REDIC1: variants seen among roughly 807,000 people sequenced by gnomAD.
REDIC1 encodes the protein HEI10 Interacting Protein 1.
At chr12:39,777,784 G>T in the REDIC1 span, among the ~76,000 whole-genome samples, 1 of 152,214 alleles carries the variant, frequency 6.6e-6, no homozygotes, top group Non-Finnish European at 1.5e-5. Flanking sequence ...GGCTGGGGCA[G>T]TCGGATGAGA....
the REDIC1 span, chr12:39,626,234 T>G: frequency 7.7e-7 from 1 of 1,302,952 alleles, no homozygotes; most frequent in African/African-American, 1.5e-5. Flanking sequence ...GCCCTGACGT[T>G]GTCAGGAGGC....
the REDIC1 span, among the ~76,000 whole-genome samples, chr12:39,631,069 T>C: frequency 5.9e-5 from 9 of 152,202 alleles, no homozygotes; most frequent in African/African-American, 2.4e-5. Context: ...TTTGTATTTT[T>C]AGTAGAGATG....
chr12:39,825,142 G>A, the REDIC1 span, among the ~76,000 whole-genome samples: 1 of 152,114 alleles, frequency 6.6e-6, no homozygotes, highest in Non-Finnish European at 1.5e-5. Context: ...CAGAGCTAAA[G>A]TGCTGTATTA....
the REDIC1 span, among the ~76,000 whole-genome samples, chr12:39,856,690 C>T: frequency 2.6e-5 from 4 of 152,122 alleles, no homozygotes; most frequent in Admixed American, 1.3e-4. Flanking sequence ...TTTAAATAAA[C>T]CACATTTGGT....
chr12:39,812,424 G>T, the REDIC1 span, among the ~76,000 whole-genome samples: 6 of 113,182 alleles, frequency 5.3e-5, no homozygotes, highest in East Asian at 2.4e-4. Context: ...CTTCCTTCCT[G>T]CCTTCCTTCC....
chr12:39,674,542 C>T, the REDIC1 span, among the ~76,000 whole-genome samples: 1 of 152,100 alleles, frequency 6.6e-6, no homozygotes, highest in Admixed American at 6.6e-5. Flanking sequence ...TCTGCAAACT[C>T]CATGAGACAG....
chr12:39,682,667 G>T, the REDIC1 span: 12 of 1,610,944 alleles, frequency 7.4e-6, no homozygotes, highest in East Asian at 2.5e-4. Flanking sequence ...GATGAAGATT[G>T]TAGAAGCACG....
the REDIC1 span, among the ~76,000 whole-genome samples, chr12:39,711,573 GCA>G: frequency 1.4e-5 from 1 of 69,198 alleles, no homozygotes; most frequent in African/African-American, 4.1e-5. Flanking sequence ...GTGTATATGT[GCA>G]TACACATGCA....
the REDIC1 span, among the ~76,000 whole-genome samples, chr12:39,878,148 C>T: frequency 5.3e-5 from 8 of 152,188 alleles, no homozygotes; most frequent in African/African-American, 1.4e-4. Flanking sequence ...CCAATTATAC[C>T]TCTTTTCTTC....
chr12:39,788,370 A>G, the REDIC1 span, among the ~76,000 whole-genome samples: 1 of 152,182 alleles, frequency 6.6e-6, no homozygotes, highest in Non-Finnish European at 1.5e-5. Context: ...ACAGTGCAAT[A>G]GTGCAACAGG....
the REDIC1 span, among the ~76,000 whole-genome samples, chr12:39,828,653 C>T: frequency 1.3e-5 from 2 of 151,422 alleles, no homozygotes; most frequent in Admixed American, 1.3e-4. Flanking sequence ...AAACTATGTA[C>T]ATTTCTTTTT....
At chr12:39,898,267 A>G in the REDIC1 span, among the ~76,000 whole-genome samples, 1 of 152,192 alleles carries the variant, frequency 6.6e-6, no homozygotes, top group Non-Finnish European at 1.5e-5. Flanking sequence ...ACCAATGAAA[A>G]GAAGAAACTC....
chr12:39,711,299 CAT>C, the REDIC1 span, among the ~76,000 whole-genome samples: 59 of 145,008 alleles, frequency 4.1e-4, 1 homozygote, highest in South Asian at 3.8e-3. Flanking sequence ...GTATATATAA[CAT>C]ATATGTGTAT....
the REDIC1 span, among the ~76,000 whole-genome samples, chr12:39,713,494 A>C: frequency 6.7e-6 from 1 of 150,102 alleles, no homozygotes; most frequent in Admixed American, 6.6e-5. Context: ...ATACATTTGT[A>C]CACATACATA....
At chr12:39,834,856 G>T in the REDIC1 span, among the ~76,000 whole-genome samples, 1 of 151,980 alleles carries the variant, frequency 6.6e-6, no homozygotes, top group Non-Finnish European at 1.5e-5. Context: ...CATTTAGAAG[G>T]TGGCACAAAA....
At chr12:39,716,312 T>C in the REDIC1 span, among the ~76,000 whole-genome samples, 1 of 152,064 alleles carries the variant, frequency 6.6e-6, no homozygotes, top group Non-Finnish European at 1.5e-5. Flanking sequence ...TCAAACTGGA[T>C]GCTTTGAATA....
chr12:39,776,172 A>G, the REDIC1 span, among the ~76,000 whole-genome samples: 12 of 152,198 alleles, frequency 7.9e-5, no homozygotes, highest in African/African-American at 2.9e-4. Flanking sequence ...TCCTGCTTCA[A>G]CTGGCACTGA....
chr12:39,674,749 G>A, the REDIC1 span, among the ~76,000 whole-genome samples: 1 of 152,300 alleles, frequency 6.6e-6, no homozygotes, highest in South Asian at 2.1e-4. Context: ...CTGGTCCCCA[G>A]CTTGAGCCCA....
At chr12:39,781,248 A>G in the REDIC1 span, among the ~76,000 whole-genome samples, 1 of 152,216 alleles carries the variant, frequency 6.6e-6, no homozygotes, top group South Asian at 2.1e-4. Context: ...ATAGCTTAAC[A>G]GGTCTATTAA....
Sources: allele counts gnomAD v4.1 joint callset (sites outside exome capture counted in the v4.1 genomes callset), GRCh38; gene constraint gnomAD v4.1.1; transcripts MANE v1.5; gene names NCBI Gene and HGNC (gene_info 2026-07-23, HGNC 2026-07-21).